Variants in XPO7 observed in about 807,000 individuals in gnomAD.
The protein encoded by XPO7 is exportin-7.
A neutral mutation model predicts 144.3 loss-of-function variants in XPO7; 21 were observed. The ratio of observed to expected loss-of-function variants is 0.15; its 90% CI spans 0.10 to 0.21. The LOEUF (loss-of-function observed/expected upper bound fraction) is 0.21. Ranked by LOEUF, XPO7 falls within the 10% of genes least tolerant of loss-of-function variation. The probability of loss-of-function intolerance (pLI) is 1.00; values close to 1 mark genes in which losing one functional copy is unlikely to be tolerated. For missense variants in XPO7, 808 were observed against 1,325.8 expected, an observed-to-expected ratio of 0.61 and a Z score of 6.06; for synonymous variants, 580 against 499.6, an observed-to-expected ratio of 1.16 and a Z score of -2.15.
intron 26 of XPO7, among the ~76,000 whole-genome samples, chr8:22,003,539 G>T (rs1399629632): frequency 6.6e-6 from 1 of 152,204 alleles, no homozygotes; most frequent in Non-Finnish European, 1.5e-5. Context: ...GGATAAAGGA[G>T]TGTTTCCCCT....
intron 1 of XPO7, among the ~76,000 whole-genome samples, chr8:21,945,212 C>T (rs1311663234): frequency 6.6e-6 from 1 of 152,210 alleles, no homozygotes; most frequent in Non-Finnish European, 1.5e-5. Flanking sequence ...ACCTCCCAGA[C>T]GGGGTGGCGG....
chr8:21,939,839 A>C (rs1436814005), intron 1 of XPO7, among the ~76,000 whole-genome samples: 1 of 152,234 alleles, frequency 6.6e-6, no homozygotes, highest in Non-Finnish European at 1.5e-5. Context: ...AGGAGAATTC[A>C]TTGAAGAATA....
intron 1 of XPO7, 94 bp from the exon 2 acceptor site, chr8:21,966,763 T>G: frequency 6.7e-7 from 1 of 1,486,024 alleles, no homozygotes; most frequent in Middle Eastern, 1.8e-4. Flanking sequence ...CTTTCTTTAC[T>G]GATTATTATT....
chr8:21,999,704 G>C (rs752248793), intron 24 of XPO7, 30 bp downstream of exon 24: 4 of 1,612,996 alleles, frequency 2.5e-6, no homozygotes, highest in Admixed American at 1.7e-5. Flanking sequence ...GGGTGAGTTG[G>C]TGGGTTTGTT....
intron 16 of XPO7, among the ~76,000 whole-genome samples, chr8:21,990,070 C>T (rs1393297405): frequency 6.6e-6 from 1 of 151,500 alleles, no homozygotes; most frequent in Non-Finnish European, 1.5e-5. Context: ...AGGATGGTCT[C>T]GATCTCCTGA....
At chr8:21,937,949 T>C (rs1810872942) in intron 1 of XPO7, among the ~76,000 whole-genome samples, 1 of 152,192 alleles carries the variant, frequency 6.6e-6, no homozygotes, top group South Asian at 2.1e-4. Flanking sequence ...TTCAGAGAAA[T>C]AAGATATAGA....
rs139030431 is a variant in XPO7 at position 21,941,444 on chromosome 8, A to C, written c.18+21656A>C. Among the ~76,000 whole-genome samples the C allele has an allele frequency of 8.7e-4, 132 of 152,282 alleles. No homozygotes were observed. In the East Asian group the frequency reaches 0.022, roughly 26 times the overall value. Reference sequence around the variant, plus strand: ...TGGGATTACAGGCAGGAGCCACTGCACTCAGACTCATATACTTTAAATCAT... The same window carrying C: ...TGGGATTACAGGCAGGAGCCACTGCCCTCAGACTCATATACTTTAAATCAT... On this transcript the variant is annotated intron_variant, in intron 1 of 27. Transcript: ENST00000252512.
At chr8:21,947,287 A>C (rs150764401) in intron 1 of XPO7, among the ~76,000 whole-genome samples, 1 of 152,226 alleles carries the variant, frequency 6.6e-6, no homozygotes, top group South Asian at 2.1e-4. Flanking sequence ...TACACTGCCT[A>C]ATTTTGGACT....
intron 1 of XPO7, among the ~76,000 whole-genome samples, chr8:21,940,574 A>C (rs370766185): frequency 6.6e-6 from 1 of 151,720 alleles, no homozygotes; most frequent in African/African-American, 2.4e-5. Context: ...TGTTCAAGCA[A>C]TTATCCTGTC....
At chr8:21,922,811 G>GT (rs1386646501) in intron 1 of XPO7, among the ~76,000 whole-genome samples, 1 of 152,106 alleles carries the variant, frequency 6.6e-6, no homozygotes, top group African/African-American at 2.4e-5. Flanking sequence ...GAATTACTAC[G>GT]TTGTTGTGTT....
chr8:21,993,721 G>GT (rs1479518501), intron 19 of XPO7, among the ~76,000 whole-genome samples: 1 of 152,258 alleles, frequency 6.6e-6, no homozygotes, highest in East Asian at 1.9e-4. Flanking sequence ...GGAGAGTACT[G>GT]ATTAAACATA....
intron 1 of XPO7, among the ~76,000 whole-genome samples, chr8:21,935,932 C>T (rs1472121016): frequency 1.1e-4 from 16 of 152,056 alleles, no homozygotes. Context: ...CTATTCTGTC[C>T]CTTGGGGTTT....
At chr8:21,974,632 A>G (rs1812169314) in intron 5 of XPO7, 38 bp from the exon 6 acceptor site, 5 of 1,469,608 alleles carry the variant, frequency 3.4e-6, no homozygotes, top group Non-Finnish European at 4.6e-6. Flanking sequence ...TTTTTTTGCA[A>G]TTAATTCTTT....
intron 25 of XPO7, 55 bp from the exon 26 acceptor site, chr8:22,003,164 A>T: frequency 7.1e-7 from 1 of 1,413,758 alleles, no homozygotes; most frequent in East Asian, 2.4e-5. Context: ...CTGTCGTTTT[A>T]TCTTGGGTAG....
chr8:21,965,816 G>T (rs1811864385), intron 1 of XPO7, among the ~76,000 whole-genome samples: 1 of 152,112 alleles, frequency 6.6e-6, no homozygotes, highest in East Asian at 1.9e-4. Flanking sequence ...TATATTTTAG[G>T]CAATTTACAC....
chr8:21,925,973 T>C (rs1180114454), intron 1 of XPO7, among the ~76,000 whole-genome samples: 1 of 152,188 alleles, frequency 6.6e-6, no homozygotes, highest in Non-Finnish European at 1.5e-5. Context: ...TGAGCTCTCT[T>C]ATGCCCCAAA....
chr8:22,002,091 C>G (rs1237038774), intron 24 of XPO7, 21 bp from the exon 25 acceptor site: 1 of 1,596,052 alleles, frequency 6.3e-7, no homozygotes, highest in East Asian at 2.3e-5. Flanking sequence ...TCTGTCCTAC[C>G]CCTGCCTTTC....
rs776455105 is a variant in XPO7, at chr8:22,005,118, A to G, written c.*30A>G. Reference sequence around the variant, plus strand: ...TCCTTGGACTCTACCTGTACAGAGCAGCGTCCCTTTGGTTTGGCCCAGAGG... The same window carrying G: ...TCCTTGGACTCTACCTGTACAGAGCGGCGTCCCTTTGGTTTGGCCCAGAGG... On this transcript the variant is annotated 3_prime_UTR_variant, in exon 28 of 28. Transcript: ENST00000252512. 6 of 1,567,014 alleles carry G rather than the reference A, an allele frequency of 3.8e-6. No individual in the cohort carries two copies. The Admixed American group carries it at 1.1e-4, about 27-fold the overall frequency.
chr8:21,971,751 G>T (rs1936505168), intron 4 of XPO7, 125 bp from the exon 5 acceptor site: 2 of 613,330 alleles, frequency 3.3e-6, no homozygotes, highest in Middle Eastern at 4.7e-4. Context: ...ATGATTCCTT[G>T]CTGCCTTGTC....
Sources: gnomAD v4.1 joint callset for allele counts (sites outside exome capture counted in the v4.1 genomes callset) on GRCh38, gnomAD v4.1.1 for gene constraint, MANE v1.5 for transcripts, NCBI Gene and HGNC (gene_info 2026-07-23, HGNC 2026-07-21) for gene names.